The following SIPA1L2 variants were observed in gnomAD, a reference collection of about 807,000 sequenced individuals.
SIPA1L2 encodes the protein signal induced proliferation associated 1 like 2.
A neutral mutation model predicts 163.9 loss-of-function variants in SIPA1L2; 56 were observed. The observed-to-expected ratio is 0.34, with a 90% CI of 0.28 to 0.43. The LOEUF is 0.43. Among genes scored for constraint, SIPA1L2 ranks in the 20% least tolerant of loss-of-function variants. The pLI, the probability that SIPA1L2 is intolerant of heterozygous loss-of-function variation, is 1.00. For synonymous variants in SIPA1L2, 877 were observed against 865.7 expected (o/e 1.01, Z -0.23); for missense variants, 1,974 against 2,193.5 (o/e 0.90, Z 2.00).
chr1:232,601,249 G>A (rs1661581553), intron 1 of SIPA1L2, among the ~76,000 whole-genome samples: 1 of 152,178 alleles, frequency 6.6e-6, no homozygotes, highest in South Asian at 2.1e-4. Context: ...TATGTGCCCA[G>A]TTCAAGGAGA....
rs1572901540 is a variant in SIPA1L2 at position 232,441,313 on chromosome 1, T to A, written c.3620A>T (p.Asp1207Val). ...TACGTGAGAAAGCTTATTGGGGGAA[T>A]CTTTGCAACTTCCATCTTTCTGCAG... is the stretch of plus-strand genomic sequence containing the variant. ...RALQKDGSCK[D>V]SPNKLSHIGD... The change falls in exon 14 of 23, where the codon GAT becomes GTT. Residue 1207 changes from aspartate (D) to valine (V), a missense_variant. Coordinates refer to ENST00000674635, the MANE Select transcript of SIPA1L2 (RefSeq NM_020808.5). The A allele has an allele frequency of 6.3e-7, 1 of 1,594,906 alleles. No homozygotes were observed. The highest frequency in any genetic ancestry group is 2.2e-5 in the East Asian group (1 of 44,786).
chr1:232,466,870 A>T (rs112409970), intron 8 of SIPA1L2, among the ~76,000 whole-genome samples: 32 of 152,296 alleles, frequency 2.1e-4, no homozygotes, highest in Middle Eastern at 6.8e-3. Context: ...ATTCTGTATC[A>T]CTGGCAGCAT....
chr1:232,516,310 G>C (rs977782467), intron 2 of SIPA1L2, among the ~76,000 whole-genome samples: 1 of 152,142 alleles, frequency 6.6e-6, no homozygotes, highest in Non-Finnish European at 1.5e-5. Flanking sequence ...TGAGATACTG[G>C]GTAAGAAGCT....
At chr1:232,611,534 C>T (rs939047692) in intron 1 of SIPA1L2, among the ~76,000 whole-genome samples, 2 of 152,092 alleles carry the variant, frequency 1.3e-5, no homozygotes, top group African/African-American at 4.8e-5. Flanking sequence ...AGATGAGGAA[C>T]TTGGGAACTG....
At chr1:232,495,391 G>A (rs1236626144) in intron 3 of SIPA1L2, among the ~76,000 whole-genome samples, 2 of 151,826 alleles carry the variant, frequency 1.3e-5, no homozygotes, top group Non-Finnish European at 2.9e-5. Context: ...GTGAAATCCC[G>A]GCTCTACTAA....
At chr1:232,623,591 G>A (rs1288169366) in intron 1 of SIPA1L2, among the ~76,000 whole-genome samples, 1 of 152,108 alleles carries the variant, frequency 6.6e-6, no homozygotes, top group Non-Finnish European at 1.5e-5. Context: ...CTGGGTGACA[G>A]TGCGAGACTC....
intron 10 of SIPA1L2, among the ~76,000 whole-genome samples, chr1:232,451,159 A>G (rs150107920): frequency 5.7e-4 from 87 of 152,348 alleles, no homozygotes; most frequent in African/African-American, 2.0e-3. Context: ...ATAAGCGATC[A>G]TCAAACCTAG....
At position 232,564,253 on chromosome 1, in the gene SIPA1L2, T is replaced by TC. The variant is rs1278612542; in HGVS notation, c.-270+9920_-270+9921insG. Among the ~76,000 whole-genome samples, 9 of 75,764 alleles carry TC rather than the reference T, an allele frequency of 1.2e-4. 1 individual carries two copies. In the East Asian group the frequency reaches 1.7e-3, roughly 14 times the overall value. The allele number at this position is 75,764 out of a possible 152,430, so 49.7% of individuals were successfully genotyped here. A position where few individuals can be genotyped will look rare whatever the true frequency, so the allele number is the denominator to read the frequency against. ...TTTTTTTCGTGTGTGTGTGTGTGTGTGTGTGTGTGTGTGTGTGTGTGTGTG... is the reference window on the plus strand; with the variant it reads ...TTTTTTTCGTGTGTGTGTGTGTGTGTCGTGTGTGTGTGTGTGTGTGTGTGTG... On this transcript the variant is annotated intron_variant, in intron 2 of 22. Transcript: ENST00000674635.
chr1:232,493,590 C>T lies in SIPA1L2; in HGVS notation c.1554G>A (p.Val518=), dbSNP rs769103667. 3.1e-6 allele frequency: 5 copies of T among 1,613,984 alleles called. No homozygotes were observed. In the African/African-American group the frequency reaches 4.0e-5, roughly 13 times the overall value. ...ATCCTTCTTTCTCCTTGGCATCTTC[C>T]ACCTTCTCTCTCCGGATGCTGACTG... ...PVAVSIRREK[V]EDAKEKEGSQ... Residue 518 remains valine, a synonymous_variant, in exon 4 of 23, where the codon GTG becomes GTA. Coordinates refer to ENST00000674635, the MANE Select transcript of SIPA1L2 (RefSeq NM_020808.5).
chr1:232,554,864 T>C (rs576349322), intron 2 of SIPA1L2, among the ~76,000 whole-genome samples: 2 of 152,330 alleles, frequency 1.3e-5, no homozygotes, highest in Admixed American at 6.5e-5. Context: ...CTTCCAACAA[T>C]GAATTTCTAA....
intron 19 of SIPA1L2, among the ~76,000 whole-genome samples, chr1:232,410,545 A>T (rs947524651): frequency 2.0e-5 from 3 of 148,882 alleles, no homozygotes; most frequent in African/African-American, 7.4e-5. Flanking sequence ...TGAATTTCAA[A>T]ATATATATAT....
intron 3 of SIPA1L2, among the ~76,000 whole-genome samples, chr1:232,503,224 G>A (rs886359913): frequency 2.0e-5 from 3 of 151,978 alleles, no homozygotes; most frequent in African/African-American, 7.3e-5. Flanking sequence ...AACAGGGCAA[G>A]ATAAAAAAAA....
intron 1 of SIPA1L2, among the ~76,000 whole-genome samples, chr1:232,578,237 A>G (rs1660181867): frequency 6.6e-6 from 1 of 151,862 alleles, no homozygotes; most frequent in Non-Finnish European, 1.5e-5. Context: ...AGTATAGCGT[A>G]ACTGTAACTT....
intron 16 of SIPA1L2, among the ~76,000 whole-genome samples, chr1:232,429,317 C>T (rs1157652914): frequency 6.6e-6 from 1 of 152,186 alleles, no homozygotes; most frequent in East Asian, 1.9e-4. Context: ...CAACCTGAAA[C>T]ATAACACTCT....
At chr1:232,600,730 G>A (rs947923045) in intron 1 of SIPA1L2, among the ~76,000 whole-genome samples, 12 of 152,110 alleles carry the variant, frequency 7.9e-5, no homozygotes, top group African/African-American at 1.9e-4. Flanking sequence ...ACGCTCAGCC[G>A]GAGTGTGCTC....
At chr1:232,512,799 A>T (rs1667039042) in intron 3 of SIPA1L2, among the ~76,000 whole-genome samples, 1 of 152,092 alleles carries the variant, frequency 6.6e-6, no homozygotes, top group African/African-American at 2.4e-5. Context: ...CCAGAACTTA[A>T]AGTAAAAAAA....
intron 19 of SIPA1L2, among the ~76,000 whole-genome samples, chr1:232,407,978 G>A (rs1220174244): frequency 6.6e-6 from 1 of 152,040 alleles, no homozygotes; most frequent in Non-Finnish European, 1.5e-5. Flanking sequence ...CATGTTTAAC[G>A]GGGGACGAAA....
intron 3 of SIPA1L2, 130 bp downstream of exon 3, chr1:232,513,721 GAGAACA>G: frequency 1.1e-6 from 1 of 871,620 alleles, no homozygotes; most frequent in Non-Finnish European, 1.7e-6. Context: ...GACCATGATG[GAGAACA>G]AGGTCAGGCC....
intron 14 of SIPA1L2, 132 bp downstream of exon 14, chr1:232,441,159 T>G: frequency 1.5e-6 from 1 of 667,084 alleles, no homozygotes; most frequent in Non-Finnish European, 2.4e-6. Context: ...GTTTCCTTTT[T>G]TAACCTCACC....
Sources: gnomAD v4.1 joint callset for allele counts (sites outside exome capture counted in the v4.1 genomes callset) on GRCh38, gnomAD v4.1.1 for gene constraint, MANE v1.5 for transcripts, NCBI Gene and HGNC (gene_info 2026-07-23, HGNC 2026-07-21) for gene names.